PITPNM3: variants seen among roughly 807,000 people sequenced by gnomAD.
PITPNM3 encodes the protein PITPNM family member 3.
PITPNM3 carries 26 observed loss-of-function variants against 102.0 expected under a neutral mutation model. The ratio of observed to expected loss-of-function variants is 0.25; its 90% CI spans 0.19 to 0.35. The LOEUF (loss-of-function observed/expected upper bound fraction) is 0.35. PITPNM3 is among the 10% of genes least tolerant of loss of function. PITPNM3 has a pLI of 1.00. For synonymous variants in PITPNM3, 578 were observed against 558.6 expected, an observed-to-expected ratio of 1.03 and a Z score of -0.49; for missense variants, 1,083 against 1,346.1, an observed-to-expected ratio of 0.80 and a Z score of 3.06.
At chr17:6,540,343 A>G (rs1281933216) in intron 1 of PITPNM3, among the ~76,000 whole-genome samples, 2 of 152,228 alleles carry the variant, frequency 1.3e-5, no homozygotes, top group Non-Finnish European at 2.9e-5. Flanking sequence ...AGATAATTTC[A>G]GCCCAAAACC....
intron 4 of PITPNM3, among the ~76,000 whole-genome samples, chr17:6,498,179 A>G (rs1906953301): frequency 6.6e-6 from 1 of 152,236 alleles, no homozygotes; most frequent in Admixed American, 6.5e-5. Context: ...TGGAGCCACA[A>G]GGGCAGAGGC....
intron 3 of PITPNM3, among the ~76,000 whole-genome samples, chr17:6,506,658 C>T (rs1907528309): frequency 2.0e-5 from 3 of 152,228 alleles, no homozygotes; most frequent in Admixed American, 2.0e-4. Flanking sequence ...GCGTGAGCCA[C>T]CGCGCCCGGC....
rs766352141 is a variant in PITPNM3 at position 6,455,284 on chromosome 17, C to T, written c.*54G>A. On this transcript the variant is annotated 3_prime_UTR_variant, in exon 20 of 20. Coordinates refer to ENST00000262483, the MANE Select transcript of PITPNM3 (RefSeq NM_031220.4). ...GGGAGAGGGCAGCCCCCTCCCGTCCCCGCAGGCAGCCTGATTGGGCCCCCC... is the reference window on the plus strand; with the variant it reads ...GGGAGAGGGCAGCCCCCTCCCGTCCTCGCAGGCAGCCTGATTGGGCCCCCC... The T allele has an allele frequency of 5.9e-6, 9 of 1,519,366 alleles. No homozygotes were observed. Among genetic ancestry groups the T allele is most frequent in the Non-Finnish European group, 7.9e-6 (9 of 1,136,604 alleles). 94.1% of individuals were successfully genotyped at this position (1,519,366 alleles called of 1,614,324 possible).
At chr17:6,467,386 T>G (rs1020478753) in intron 14 of PITPNM3, among the ~76,000 whole-genome samples, 3 of 152,222 alleles carry the variant, frequency 2.0e-5, no homozygotes, top group African/African-American at 7.2e-5. Flanking sequence ...GTACAGAGCT[T>G]CTTTTTGGAG....
Position 6,455,304 on chromosome 17 carries a change from C to A in PITPNM3, c.*34G>T, listed in dbSNP as rs189434615. 2.0e-3 allele frequency: 3,086 copies of A among 1,531,324 alleles called. 9 individuals are homozygous for A. Among genetic ancestry groups the A allele is most frequent in the Non-Finnish European group, 2.4e-3 (2,737 of 1,142,592 alleles). 94.9% of individuals were successfully genotyped at this position (1,531,324 alleles called of 1,614,324 possible). On this transcript the variant is annotated 3_prime_UTR_variant, in exon 20 of 20. Transcript: ENST00000262483. Reference sequence around the variant, plus strand: ...CGTCCCCGCAGGCAGCCTGATTGGGCCCCCCGCTCCCTGCTCTGAGCACAG... The same window carrying A: ...CGTCCCCGCAGGCAGCCTGATTGGGACCCCCGCTCCCTGCTCTGAGCACAG...
At chr17:6,476,266 T>A (rs1346664371) in intron 9 of PITPNM3, among the ~76,000 whole-genome samples, 1 of 152,076 alleles carries the variant, frequency 6.6e-6, no homozygotes, top group Non-Finnish European at 1.5e-5. Flanking sequence ...ATCTTCCAAA[T>A]GTTGTAATGA....
rs989321283 is a variant in PITPNM3 at position 6,468,446 on chromosome 17, G to T, written c.1774-105C>A. 21 of 1,140,520 alleles carry T rather than the reference G, an allele frequency of 1.8e-5. No individual in the cohort carries two copies. The highest frequency in any genetic ancestry group is 2.8e-5 in the Non-Finnish European group (21 of 756,834). The allele number at this position is 1,140,520 out of a possible 1,614,324, so 70.7% of individuals were successfully genotyped here. On this transcript the variant is annotated intron_variant, in intron 13 of 19. Transcript: ENST00000262483. This position sits in a 1 kb window ranked among gnomAD's most constrained non-coding sequence, Gnocchi z 5.2. ...TTGTGGCCAGCTGGGCCCTGCCCCTGCAACCCCCCAACCTCACAGCCTGGA... is the reference window on the plus strand; with the variant it reads ...TTGTGGCCAGCTGGGCCCTGCCCCTTCAACCCCCCAACCTCACAGCCTGGA...
chr17:6,463,303 T>C (rs1904566611), intron 17 of PITPNM3, among the ~76,000 whole-genome samples: 1 of 152,078 alleles, frequency 6.6e-6, no homozygotes, highest in African/African-American at 2.4e-5. Flanking sequence ...GTGACTTATT[T>C]TCCCCACCAG....
intron 3 of PITPNM3, among the ~76,000 whole-genome samples, chr17:6,508,896 C>G (rs959182345): frequency 6.6e-6 from 1 of 152,190 alleles, no homozygotes; most frequent in Admixed American, 6.5e-5. Flanking sequence ...AACCTGGCTT[C>G]CTGATTTAGC....
intron 4 of PITPNM3, among the ~76,000 whole-genome samples, chr17:6,502,325 C>T (rs959434946): frequency 1.3e-4 from 20 of 152,068 alleles, no homozygotes; most frequent in African/African-American, 4.1e-4. Context: ...TGGTGGCCGG[C>T]GCCTGTAATC....
Position 6,455,595 on chromosome 17 carries a change from G to GA in PITPNM3, c.2667_2668insT (p.His890SerfsTer187). ...TTGTTCTTCTTTGGGCGTGAGCGGT[G>GA]GCTGGCCTCCAGCGCGGCCAGGTGT... On this transcript the variant is annotated frameshift_variant, in exon 20 of 20. Coordinates refer to ENST00000262483, the MANE Select transcript of PITPNM3 (RefSeq NM_031220.4). LOFTEE classifies it high-confidence loss of function. 1 of 1,594,748 alleles carries GA rather than the reference G, an allele frequency of 6.3e-7. No homozygotes were observed. The highest frequency in any genetic ancestry group is 2.2e-5 in the East Asian group (1 of 44,482).
chr17:6,521,834 T>A (rs1908542349), intron 3 of PITPNM3, among the ~76,000 whole-genome samples: 1 of 152,168 alleles, frequency 6.6e-6, no homozygotes, highest in Admixed American at 6.5e-5. Flanking sequence ...CACTGTGAAC[T>A]CCACCAACCT....
chr17:6,455,083 G>A lies in PITPNM3; in HGVS notation c.*255C>T. On this transcript the variant is annotated 3_prime_UTR_variant, in exon 20 of 20. Transcript: ENST00000262483. Reference sequence around the variant, plus strand: ...CCAGGATGACACAAACATGAACCCTGACTTGGGCTTGCGGTCGCAGGCCCG... The same window carrying A: ...CCAGGATGACACAAACATGAACCCTAACTTGGGCTTGCGGTCGCAGGCCCG... The A allele has an allele frequency of 1.9e-6, 1 of 539,224 alleles. No individual in the cohort carries two copies. Among genetic ancestry groups the A allele is most frequent in the Non-Finnish European group, 3.2e-6 (1 of 312,414 alleles). 33.4% of individuals were successfully genotyped at this position (539,224 alleles called of 1,614,324 possible).
intron 4 of PITPNM3, among the ~76,000 whole-genome samples, chr17:6,491,837 A>AT (rs61304274): frequency 2.1e-4 from 4 of 18,834 alleles, no homozygotes; most frequent in East Asian, 9.7e-4. Flanking sequence ...ATATATATAT[A>AT]ATAAAGAATT....
At chr17:6,490,311 G>A (rs186141826) in intron 4 of PITPNM3, among the ~76,000 whole-genome samples, 82 of 152,230 alleles carry the variant, frequency 5.4e-4, no homozygotes, top group African/African-American at 1.8e-3. Flanking sequence ...TCTACTCAGA[G>A]GGTGACCTCA....
chr17:6,468,399 C>G lies in PITPNM3; in HGVS notation c.1774-58G>C. On this transcript the variant is annotated intron_variant, in intron 13 of 19. Transcript: ENST00000262483. The surrounding 1 kb of genome is among the most constrained non-coding windows in gnomAD (Gnocchi z 5.2). ...TCTTCTGGCTTCTCTGCTTCCCTCCCAGGGTGTCAGTGCCCACCAGCTTGT... is the reference window on the plus strand; with the variant it reads ...TCTTCTGGCTTCTCTGCTTCCCTCCGAGGGTGTCAGTGCCCACCAGCTTGT... 1.2e-5 allele frequency: 18 copies of G among 1,549,144 alleles called. No individual in the cohort carries two copies. The South Asian group carries it at 1.9e-4, about 16-fold the overall frequency.
chr17:6,471,512 G>A (rs1053849738), intron 11 of PITPNM3, among the ~76,000 whole-genome samples, 157 bp from the exon 12 acceptor site: 3 of 152,188 alleles, frequency 2.0e-5, no homozygotes, highest in Non-Finnish European at 4.4e-5. Flanking sequence ...CCCTCTCACT[G>A]TGCCCACCCC....
chr17:6,530,969 T>C (rs1233360053), intron 2 of PITPNM3, among the ~76,000 whole-genome samples: 1 of 152,196 alleles, frequency 6.6e-6, no homozygotes, highest in African/African-American at 2.4e-5. Flanking sequence ...GCTGTGCCAC[T>C]GGCCCACGGC....
chr17:6,491,836 T>A (rs9899489), intron 4 of PITPNM3, among the ~76,000 whole-genome samples: 5,264 of 139,198 alleles, frequency 0.038, 501 homozygotes, highest in African/African-American at 0.13. Flanking sequence ...TATATATATA[T>A]AATAAAGAAT....
Sources: gnomAD v4.1 joint callset for allele counts (sites outside exome capture counted in the v4.1 genomes callset) on GRCh38, gnomAD v4.1.1 for gene constraint, Gnocchi (gnomAD v3.1) non-coding constraint, MANE v1.5 for transcripts, NCBI Gene and HGNC (gene_info 2026-07-23, HGNC 2026-07-21) for gene names.